The following TMED10 variants were observed in gnomAD, a reference collection of about 807,000 sequenced individuals.
The protein encoded by TMED10 is transmembrane emp24 domain-containing protein 10.
In TMED10, 7 loss-of-function variants were observed where a neutral mutation model predicts 23.1. That is an observed-to-expected ratio of 0.30 (90% confidence interval 0.17 to 0.57). TMED10 has a LOEUF of 0.57. TMED10 is among the 20% of genes least tolerant of loss of function. TMED10 has a pLI of 0.91. For synonymous variants in TMED10, 113 were observed against 106.9 expected (o/e 1.06, Z -0.35); for missense variants, 162 against 274.8 (o/e 0.59, Z 2.90).
chr14:75,143,303 TAC>T (rs1220952975), intron 3 of TMED10, among the ~76,000 whole-genome samples: 3 of 152,276 alleles, frequency 2.0e-5, no homozygotes, highest in African/African-American at 7.2e-5. Context: ...ACCTCCAAAA[TAC>T]CAGTAAAATT....
intron 1 of TMED10, among the ~76,000 whole-genome samples, chr14:75,167,117 T>C (rs111997099): frequency 1.5e-3 from 228 of 152,076 alleles, no homozygotes; most frequent in African/African-American, 5.3e-3. Context: ...AATTTTTGTA[T>C]TTTCAGTAGA....
At chr14:75,136,297 C>T (rs1185648878) in intron 3 of TMED10, among the ~76,000 whole-genome samples, 5 of 151,960 alleles carry the variant, frequency 3.3e-5, no homozygotes, top group Non-Finnish European at 7.4e-5. Flanking sequence ...TAGCTGGGAC[C>T]ACAGTCATGC....
At chr14:75,152,835 C>A (rs1001176528) in intron 1 of TMED10, among the ~76,000 whole-genome samples, 1 of 151,726 alleles carries the variant, frequency 6.6e-6, no homozygotes, top group Non-Finnish European at 1.5e-5. Flanking sequence ...GAGTTCAAGA[C>A]CTGGCTGGGC....
chr14:75,149,955 T>C (rs1206480358), intron 2 of TMED10, among the ~76,000 whole-genome samples: 1 of 151,956 alleles, frequency 6.6e-6, no homozygotes, highest in Non-Finnish European at 1.5e-5. Flanking sequence ...ATACACAAAT[T>C]AGCCAGGCGC....
intron 1 of TMED10, among the ~76,000 whole-genome samples, chr14:75,153,627 G>A (rs1278719788): frequency 6.6e-6 from 1 of 152,164 alleles, no homozygotes; most frequent in Non-Finnish European, 1.5e-5. Context: ...CATTAAACTG[G>A]ATGTTCTAAT....
intron 1 of TMED10, among the ~76,000 whole-genome samples, chr14:75,175,339 G>A (rs1896289958): frequency 6.6e-6 from 1 of 152,076 alleles, no homozygotes; most frequent in Admixed American, 6.5e-5. Context: ...CAAAGAAAAA[G>A]GACTAGAGAC....
rs151309846 is a variant in TMED10 at position 75,165,890 on chromosome 14, G to T, written c.225+10465C>A. On this transcript the variant is annotated intron_variant, in intron 1 of 4. Coordinates refer to ENST00000303575, the MANE Select transcript of TMED10 (RefSeq NM_006827.6). ...CAGAAATAGCAAATTTCCAGGCACT[G>T]GCATGATAATGGATAGATGCTCTCT... Among the ~76,000 whole-genome samples, 39 of 151,984 alleles carry T rather than the reference G, an allele frequency of 2.6e-4. No individual in the cohort carries two copies. The South Asian group carries it at 3.7e-3, about 15-fold the overall frequency.
intron 3 of TMED10, chr14:75,139,202 T>C (rs1566669079): frequency 2.2e-6 from 1 of 444,602 alleles, no homozygotes; most frequent in Non-Finnish European, 4.5e-6. Context: ...CAGAAAAATA[T>C]AACTTAAAAT....
At chr14:75,173,751 G>A (rs1896265139) in intron 1 of TMED10, among the ~76,000 whole-genome samples, 2 of 152,268 alleles carry the variant, frequency 1.3e-5, no homozygotes, top group Non-Finnish European at 2.9e-5. Flanking sequence ...TTTGTTTTGA[G>A]ACCGAGTCTT....
intron 1 of TMED10, among the ~76,000 whole-genome samples, chr14:75,163,552 CAAAAA>C (rs758185921): frequency 2.5e-3 from 149 of 60,786 alleles, no homozygotes; most frequent in African/African-American, 8.3e-3. Flanking sequence ...GACTCCGTAT[CAAAAA>C]AAAAAAAAAA....
chr14:75,136,685 T>A (rs1299877405), intron 3 of TMED10: 2 of 152,234 alleles, frequency 1.3e-5, no homozygotes, highest in African/African-American at 4.8e-5. Context: ...CTGGTTCATA[T>A]AAATCCTACA....
chr14:75,137,262 G>A (rs1158662688), intron 3 of TMED10, among the ~76,000 whole-genome samples: 4 of 150,298 alleles, frequency 2.7e-5, no homozygotes, highest in Non-Finnish European at 4.4e-5. Flanking sequence ...CACCTGCCTC[G>A]GCCTCCCAAA....
intron 1 of TMED10, among the ~76,000 whole-genome samples, chr14:75,154,541 T>G (rs951844733): frequency 6.6e-6 from 1 of 151,372 alleles, no homozygotes; most frequent in African/African-American, 2.4e-5. Flanking sequence ...AAATTTGAAA[T>G]GACAGATTAA....
At chr14:75,157,114 C>G (rs1896029498) in intron 1 of TMED10, among the ~76,000 whole-genome samples, 1 of 152,122 alleles carries the variant, frequency 6.6e-6, no homozygotes, top group South Asian at 2.1e-4. Flanking sequence ...ATGAACCACA[C>G]ATTTCTAGCG....
At chr14:75,169,750 A>G (rs1049727566) in intron 1 of TMED10, among the ~76,000 whole-genome samples, 1 of 152,212 alleles carries the variant, frequency 6.6e-6, no homozygotes, top group Non-Finnish European at 1.5e-5. Flanking sequence ...TCCTACCTCA[A>G]ATCAAACCAC....
rs1358516508 is a variant in TMED10, at chr14:75,131,655, C to T, written c.*3230G>A. ...CTGCATCATTCTCATTTATATTATA[C>T]AGACCATTTTGGATAATATGCTCAA... On this transcript the variant is annotated 3_prime_UTR_variant, in exon 5 of 5. Transcript: ENST00000303575. 2 of 152,522 alleles carry T rather than the reference C, an allele frequency of 1.3e-5. No homozygotes were observed. The highest frequency in any genetic ancestry group is 2.9e-5 in the Non-Finnish European group (2 of 68,030). 9.4% of individuals were successfully genotyped at this position (152,522 alleles called of 1,614,324 possible).
chr14:75,169,450 G>GAAA (rs1397763790), intron 1 of TMED10, among the ~76,000 whole-genome samples: 1 of 152,066 alleles, frequency 6.6e-6, no homozygotes, highest in East Asian at 1.9e-4. Flanking sequence ...CTGAGGTCAG[G>GAAA]AGTTTGAGAC....
intron 2 of TMED10, among the ~76,000 whole-genome samples, chr14:75,151,194 T>C (rs769530155): frequency 8.0e-5 from 12 of 150,792 alleles, no homozygotes; most frequent in Non-Finnish European, 1.3e-4. Context: ...CGTGAGTCAC[T>C]GCGCCCGGCC....
chr14:75,164,510 C>A (rs991469813), intron 1 of TMED10, among the ~76,000 whole-genome samples: 2 of 137,618 alleles, frequency 1.5e-5, no homozygotes, highest in Non-Finnish European at 3.0e-5. Context: ...GGATTACAGG[C>A]GTGAGCCACT....
Sources: allele counts gnomAD v4.1 joint callset (sites outside exome capture counted in the v4.1 genomes callset), GRCh38; gene constraint gnomAD v4.1.1; transcripts MANE v1.5; gene names NCBI Gene and HGNC (gene_info 2026-07-23, HGNC 2026-07-21).